PDE3A: variants seen among roughly 807,000 people sequenced by gnomAD.
PDE3A encodes the protein cGMP-inhibited 3',5'-cyclic phosphodiesterase 3A.
PDE3A carries 43 observed loss-of-function variants against 98.3 expected under a neutral mutation model. The observed-to-expected ratio is 0.44, with a 90% CI of 0.34 to 0.56. PDE3A has a LOEUF of 0.56. PDE3A is among the 20% of genes least tolerant of loss of function. PDE3A has a pLI of 0.01. For synonymous variants in PDE3A, 663 were observed against 567.9 expected, an observed-to-expected ratio of 1.17 and a Z score of -2.38; for missense variants, 1,427 against 1,440.7, an observed-to-expected ratio of 0.99 and a Z score of 0.15.
At position 20,398,199 on chromosome 12, in the gene PDE3A, C is replaced by T. The variant is rs143398161; in HGVS notation, c.960+27955C>T. On this transcript the variant is annotated intron_variant, in intron 1 of 15. Transcript: ENST00000359062. ...GGGAAAATGCCTGATGGCTTATTGG[C>T]GGGAAAAAGAAGGGTGTGTGAGAGG... is the stretch of plus-strand genomic sequence containing the variant. Among the ~76,000 whole-genome samples the T allele has an allele frequency of 3.7e-3, 553 of 149,078 alleles. 4 individuals are homozygous for T. The highest frequency in any genetic ancestry group is 0.013 in the African/African-American group (526 of 40,594).
In PDE3A at chr12:20,469,466, C is replaced by T. The variant is rs570343017; in HGVS notation, c.961-87194C>T. ...GTCCCAAAGGGTCTTCTCTTTCTAG[C>T]CTCCCACTCTCTAATGAGTCTTTGA... On this transcript the variant is annotated intron_variant, in intron 1 of 15. Coordinates refer to ENST00000359062, the MANE Select transcript of PDE3A (RefSeq NM_000921.5). 3.9e-5 allele frequency among the ~76,000 whole-genome samples: 6 copies of T among 152,300 alleles called. No individual in the cohort carries two copies. In the South Asian group the frequency reaches 1.0e-3, roughly 26 times the overall value.
intron 1 of PDE3A, among the ~76,000 whole-genome samples, chr12:20,498,592 A>C (rs1945966809): frequency 6.6e-6 from 1 of 152,150 alleles, no homozygotes; most frequent in African/African-American, 2.4e-5. Flanking sequence ...GCATCCCTGG[A>C]TTTTGGTGTC....
At chr12:20,574,312 G>C (rs1343998880) in intron 2 of PDE3A, among the ~76,000 whole-genome samples, 2 of 152,068 alleles carry the variant, frequency 1.3e-5, no homozygotes. Context: ...TTAAAGTATA[G>C]TCCTGCAGGA....
chr12:20,610,415 T>C (rs1943820631), intron 2 of PDE3A, among the ~76,000 whole-genome samples: 1 of 151,878 alleles, frequency 6.6e-6, no homozygotes, highest in Non-Finnish European at 1.5e-5. Context: ...GGCAAGGGTG[T>C]AGAGAAAAGG....
At chr12:20,388,272 A>C (rs1943848932) in intron 1 of PDE3A, among the ~76,000 whole-genome samples, 1 of 152,042 alleles carries the variant, frequency 6.6e-6, no homozygotes, top group Admixed American at 6.6e-5. Context: ...GGACAGGCTT[A>C]AAATTTCTTA....
At chr12:20,626,284 C>T (rs982053522) in intron 5 of PDE3A, among the ~76,000 whole-genome samples, 4 of 146,530 alleles carry the variant, frequency 2.7e-5, no homozygotes, top group East Asian at 3.9e-4. Flanking sequence ...AAGACCGATA[C>T]GGTCTTCAAA....
intron 2 of PDE3A, among the ~76,000 whole-genome samples, chr12:20,582,137 G>A (rs1943082793): frequency 6.6e-6 from 1 of 151,974 alleles, no homozygotes; most frequent in Non-Finnish European, 1.5e-5. Context: ...TCCAAATTAA[G>A]AACTAAGGAA....
At chr12:20,433,377 G>A (rs1020193922) in intron 1 of PDE3A, among the ~76,000 whole-genome samples, 1 of 152,072 alleles carries the variant, frequency 6.6e-6, no homozygotes, top group Non-Finnish European at 1.5e-5. Flanking sequence ...AATACATTAT[G>A]ATGTAGAAAA....
intron 1 of PDE3A, among the ~76,000 whole-genome samples, chr12:20,469,903 G>A (rs1170485403): frequency 6.6e-6 from 1 of 152,170 alleles, no homozygotes; most frequent in Non-Finnish European, 1.5e-5. Context: ...AATGAAGGCA[G>A]ACAAAATAGA....
At position 20,634,895 on chromosome 12, in the gene PDE3A, A is replaced by G; in HGVS notation, c.1847-7A>G. 6 of 1,604,070 alleles carry G rather than the reference A, an allele frequency of 3.7e-6. No individual in the cohort carries two copies. The highest frequency in any genetic ancestry group is 5.1e-6 in the Non-Finnish European group (6 of 1,171,544). ...TCTTGTAATAAGTTGTTCTCTTTTA[A>G]TTGTAGATGACACTGCTCAAGTTAC... On this transcript the variant is annotated splice_polypyrimidine_tract_variant and splice_region_variant and intron_variant, in intron 7 of 15. Transcript: ENST00000359062.
intron 1 of PDE3A, among the ~76,000 whole-genome samples, chr12:20,380,601 T>C (rs1020910481): frequency 2.0e-5 from 3 of 151,812 alleles, no homozygotes; most frequent in African/African-American, 7.2e-5. Flanking sequence ...AGGCAGATGA[T>C]CATGACATTA....
chr12:20,527,308 T>G (rs2121173307), intron 1 of PDE3A, among the ~76,000 whole-genome samples: 2 of 152,314 alleles, frequency 1.3e-5, no homozygotes, highest in Middle Eastern at 6.8e-3. Context: ...AATGGATCAC[T>G]CGTTTCTAAA....
At chr12:20,477,410 G>A (rs1945549417) in intron 1 of PDE3A, among the ~76,000 whole-genome samples, 1 of 152,142 alleles carries the variant, frequency 6.6e-6, no homozygotes, top group Non-Finnish European at 1.5e-5. Flanking sequence ...CAGTTTGCAA[G>A]GAAGAAGGGG....
At chr12:20,480,981 T>A (rs1199573779) in intron 1 of PDE3A, among the ~76,000 whole-genome samples, 4 of 152,206 alleles carry the variant, frequency 2.6e-5, no homozygotes, top group Non-Finnish European at 5.9e-5. Flanking sequence ...CCAACTGATG[T>A]TCATCAATTG....
intron 2 of PDE3A, among the ~76,000 whole-genome samples, chr12:20,566,405 ACT>A: frequency 1.3e-5 from 2 of 151,960 alleles, no homozygotes; most frequent in Non-Finnish European, 2.9e-5. Flanking sequence ...GATCTCTACA[ACT>A]ATTTCCATTT....
intron 3 of PDE3A, 103 bp from the exon 4 acceptor site, chr12:20,616,127 A>C: frequency 1.0e-6 from 1 of 993,860 alleles, no homozygotes; most frequent in Non-Finnish European, 1.5e-6. Context: ...AATGTAATTT[A>C]GTCAATTCAC....
At chr12:20,503,249 A>C (rs986939624) in intron 1 of PDE3A, among the ~76,000 whole-genome samples, 2 of 152,032 alleles carry the variant, frequency 1.3e-5, no homozygotes, top group African/African-American at 4.8e-5. Context: ...ATACTAGATA[A>C]TACTAATATG....
chr12:20,432,116 G>A (rs1944707856), intron 1 of PDE3A, among the ~76,000 whole-genome samples: 1 of 152,120 alleles, frequency 6.6e-6, no homozygotes, highest in Non-Finnish European at 1.5e-5. Context: ...AAGGCCCTAA[G>A]GTGGTTAAAT....
Position 20,616,292 on chromosome 12 carries a change from C to T in PDE3A, c.1332C>T (p.Thr444=). ...LRRVSSTWTT[T]TSATGLPTLE... is the part of the protein sequence containing the mutation. Reference sequence around the variant, plus strand: ...GAGTTTCTTCCACTTGGACCACCACCACCTCGGCCACAGGTCTACCCACCT... The same window carrying T: ...GAGTTTCTTCCACTTGGACCACCACTACCTCGGCCACAGGTCTACCCACCT... Residue 444 remains threonine (T), a synonymous_variant, in exon 4 of 16, where the codon ACC becomes ACT. Transcript: ENST00000359062. 1 of 1,614,012 alleles carries T rather than the reference C, an allele frequency of 6.2e-7. No homozygotes were observed. The highest frequency in any genetic ancestry group is 8.5e-7 in the Non-Finnish European group (1 of 1,179,966).
Sources: allele counts gnomAD v4.1 joint callset (sites outside exome capture counted in the v4.1 genomes callset), GRCh38; gene constraint gnomAD v4.1.1; transcripts MANE v1.5; gene names NCBI Gene and HGNC (gene_info 2026-07-23, HGNC 2026-07-21).